The following UGT1A10 variants were observed in gnomAD, a reference collection of about 807,000 sequenced individuals.
UGT1A10 encodes the protein UDP-glucuronosyltransferase 1A10.
A neutral mutation model predicts 45.8 loss-of-function variants in UGT1A10; 49 were observed. The ratio of observed to expected loss-of-function variants is 1.07; its 90% CI spans 0.85 to 1.36. The LOEUF (loss-of-function observed/expected upper bound fraction) is 1.36. Ranked by LOEUF, UGT1A10 falls within the 40% of genes most tolerant of loss-of-function variation. The probability of loss-of-function intolerance (pLI) is 0.00; values close to 1 mark genes in which losing one functional copy is unlikely to be tolerated. For missense variants in UGT1A10, 745 were observed against 668.6 expected, an observed-to-expected ratio of 1.11 and a Z score of -1.26; for synonymous variants, 284 against 249.7, an observed-to-expected ratio of 1.14 and a Z score of -1.29.
At chr2:233,651,958 C>A (rs2073753683) in intron 1 of UGT1A10, among the ~76,000 whole-genome samples, 1 of 151,858 alleles carries the variant, frequency 6.6e-6, no homozygotes, top group Non-Finnish European at 1.5e-5. Context: ...GATAGCAGAT[C>A]ATCATTCAAG....
chr2:233,694,002 A>G, intron 1 of UGT1A10: 1 of 1,487,164 alleles, frequency 6.7e-7, no homozygotes, highest in South Asian at 1.3e-5. Context: ...CCCGGCTCGG[A>G]GCAGCGGGAA....
In UGT1A10 at chr2:233,768,243, A is replaced by G. The variant is rs748989741; in HGVS notation, c.1099A>G (p.Ile367Val). 8 of 1,614,146 alleles carry G rather than the reference A, an allele frequency of 5.0e-6. No individual in the cohort carries two copies. In the South Asian group the frequency reaches 7.7e-5, roughly 16 times the overall value. Residue 367 changes from isoleucine (I) to valine (V), a missense_variant, in exon 4 of 5, where the codon ATC (isoleucine) becomes GTC (valine). Ile to Val is a conservative substitution (Grantham distance 29). Transcript: ENST00000344644. ...LLGHPMTRAF[I>V]THAGSHGVYE... is the part of the protein sequence containing the mutation. ...AGGTCACCCGATGACCCGTGCCTTT[A>G]TCACCCATGCTGGTTCCCATGGTGT...
At chr2:233,711,438 G>C (rs1384309614) in intron 1 of UGT1A10, among the ~76,000 whole-genome samples, 1 of 152,216 alleles carries the variant, frequency 6.6e-6, no homozygotes, top group Non-Finnish European at 1.5e-5. Context: ...GATGCATACA[G>C]TTTTAAGGGG....
intron 1 of UGT1A10, among the ~76,000 whole-genome samples, chr2:233,723,507 G>A (rs1209315085): frequency 7.7e-6 from 1 of 130,328 alleles, no homozygotes; most frequent in African/African-American, 3.2e-5. Flanking sequence ...ACTGCACCTG[G>A]TCAACAATCT....
intron 1 of UGT1A10, among the ~76,000 whole-genome samples, chr2:233,679,172 G>A (rs113314297): frequency 0.049 from 7,417 of 152,238 alleles, 275 homozygotes; most frequent in African/African-American, 0.097. Flanking sequence ...GAAGCACGTA[G>A]ACCATTTTGA....
At chr2:233,764,979 T>C (rs775533661) in intron 1 of UGT1A10, among the ~76,000 whole-genome samples, 2 of 151,670 alleles carry the variant, frequency 1.3e-5, no homozygotes, top group Non-Finnish European at 2.9e-5. Flanking sequence ...GGATGGTCAG[T>C]GTCTGGGGCT....
intron 1 of UGT1A10, among the ~76,000 whole-genome samples, chr2:233,752,106 AGAG>A (rs1694895437): frequency 6.6e-6 from 1 of 152,236 alleles, no homozygotes; most frequent in Non-Finnish European, 1.5e-5. Flanking sequence ...AAGTAGAATC[AGAG>A]GAGAAGAAGA....
intron 1 of UGT1A10, among the ~76,000 whole-genome samples, chr2:233,699,339 T>TA (rs1207197999): frequency 6.6e-6 from 1 of 152,220 alleles, no homozygotes; most frequent in African/African-American, 2.4e-5. Flanking sequence ...TCATCCACCC[T>TA]AGGGCTAACC....
At chr2:233,755,170 T>A (rs1240762958) in intron 1 of UGT1A10, 1 of 1,262,070 alleles carries the variant, frequency 7.9e-7, no homozygotes. Context: ...TCGGGGTTTT[T>A]GTCGGGGTGC....
intron 1 of UGT1A10, among the ~76,000 whole-genome samples, chr2:233,659,087 A>G (rs1173606892): frequency 2.0e-5 from 3 of 152,192 alleles, no homozygotes; most frequent in Non-Finnish European, 4.4e-5. Context: ...ATATCTCTAT[A>G]TTCAGATCTC....
At chr2:233,760,288 A>G (rs1697385056) in intron 1 of UGT1A10, 1 of 1,613,154 alleles carries the variant, frequency 6.2e-7, no homozygotes, top group Non-Finnish European at 8.5e-7. Context: ...CAAAGGCGCC[A>G]TGGCTGTGGA....
chr2:233,693,023 T>G lies in UGT1A10; in HGVS notation c.855+55646T>G, dbSNP rs6759892. ...TTCCAGGATGGCCTGCCTCCTTCGC[T>G]CATTTCAGAGAATTTCTGCAGGGGT... On this transcript the variant is annotated intron_variant, in intron 1 of 4. Transcript: ENST00000344644. The G allele has an allele frequency of 0.4, 650,213 of 1,613,808 alleles. 133,167 individuals are homozygous for G. Among genetic ancestry groups the G allele is most frequent in the South Asian group, 0.45 (41,315 of 91,030 alleles).
intron 1 of UGT1A10, among the ~76,000 whole-genome samples, chr2:233,709,576 A>C (rs180747204): frequency 4.7e-4 from 71 of 152,336 alleles, no homozygotes; most frequent in Admixed American, 1.4e-3. Context: ...TAAAATTCAA[A>C]AAATATACCA....
At chr2:233,649,392 A>T (rs1449881032) in intron 1 of UGT1A10, among the ~76,000 whole-genome samples, 11 of 152,224 alleles carry the variant, frequency 7.2e-5, no homozygotes, top group Middle Eastern at 3.2e-3. Context: ...ATTTAAAAGC[A>T]CAATAAGAAA....
chr2:233,751,718 G>C (rs144416943), intron 1 of UGT1A10, among the ~76,000 whole-genome samples: 1 of 152,136 alleles, frequency 6.6e-6, no homozygotes, highest in Non-Finnish European at 1.5e-5. Flanking sequence ...TCACTCACAA[G>C]TGAACTCTTC....
intron 4 of UGT1A10, among the ~76,000 whole-genome samples, chr2:233,768,739 C>T (rs542073297): frequency 1.3e-5 from 2 of 151,854 alleles, no homozygotes; most frequent in African/African-American, 4.8e-5. Context: ...TCCACCACCA[C>T]GCCCGGTTAA....
intron 1 of UGT1A10, among the ~76,000 whole-genome samples, chr2:233,644,598 G>A (rs909507037): frequency 1.4e-5 from 2 of 145,286 alleles, no homozygotes; most frequent in Non-Finnish European, 3.1e-5. Flanking sequence ...ATAAATAAAC[G>A]CTCTCTCAGT....
chr2:233,684,402 G>A (rs148930228), intron 1 of UGT1A10, among the ~76,000 whole-genome samples: 115 of 152,270 alleles, frequency 7.6e-4, no homozygotes, highest in South Asian at 7.5e-3. Context: ...CCATCACTCA[G>A]GTATTGCCTG....
intron 1 of UGT1A10, chr2:233,681,945 G>C (rs752380757): frequency 6.2e-7 from 1 of 1,613,336 alleles, no homozygotes. Context: ...CTGATGGCTC[G>C]TGCAGGGTGG....
Sources: allele counts gnomAD v4.1 joint callset (sites outside exome capture counted in the v4.1 genomes callset), GRCh38; gene constraint gnomAD v4.1.1; transcripts MANE v1.5; gene names NCBI Gene and HGNC (gene_info 2026-07-23, HGNC 2026-07-21).